The following PROSER2 variants were observed in gnomAD, a reference collection of about 807,000 sequenced individuals.
The protein encoded by PROSER2 is proline and serine-rich protein 2.
In PROSER2, 18 loss-of-function variants were observed where a neutral mutation model predicts 14.6. That is an observed-to-expected ratio of 1.23 (90% CI 0.85 to 1.83). PROSER2 has a LOEUF of 1.83. Ranked by LOEUF, PROSER2 falls within the 40% of genes most tolerant of loss-of-function variation. The pLI is 0.00. For synonymous variants in PROSER2, 367 were observed against 286.4 expected (o/e 1.28, Z -2.84); for missense variants, 823 against 629.8 (o/e 1.31, Z -3.28).
rs2131094062 is a variant in PROSER2 at position 11,866,918 on chromosome 10, C to A, written c.391+135C>A. On this transcript the variant is annotated intron_variant, in intron 3 of 3. Coordinates refer to ENST00000277570, the MANE Select transcript of PROSER2 (RefSeq NM_153256.4). This position sits in a 1 kb window ranked among gnomAD's most constrained non-coding sequence, Gnocchi z 6.0. The stretch of plus-strand genomic sequence containing the variant: ...TACCAGATTTTTATAGGGGAAAATA[C>A]TCCTTGGCAGTTTCATCATCCAGCA... 9.4e-7 allele frequency: 1 copy of A among 1,058,998 alleles called. No homozygotes were observed. Among genetic ancestry groups the A allele is most frequent in the Non-Finnish European group, 1.3e-6 (1 of 754,708 alleles). 65.6% of individuals were successfully genotyped at this position (1,058,998 alleles called of 1,614,324 possible).
intron 1 of PROSER2, among the ~76,000 whole-genome samples, chr10:11,844,746 C>T (rs60062825): frequency 6.6e-6 from 1 of 152,110 alleles, no homozygotes; most frequent in African/African-American, 2.4e-5. Flanking sequence ...CCTAGTCTCT[C>T]GAGTAGCTGG....
chr10:11,825,496 GC>G (rs1354294764), intron 1 of PROSER2, among the ~76,000 whole-genome samples: 4 of 152,118 alleles, frequency 2.6e-5, no homozygotes, highest in Non-Finnish European at 5.9e-5. Flanking sequence ...AGCCGTCCCC[GC>G]TCCACTCTGA....
At chr10:11,849,205 CAA>C (rs1407136416) in intron 1 of PROSER2, among the ~76,000 whole-genome samples, 2 of 151,900 alleles carry the variant, frequency 1.3e-5, no homozygotes, top group Admixed American at 6.6e-5. Flanking sequence ...AACAAAAAAA[CAA>C]AGAGTTTAAC....
chr10:11,823,750 A>C lies in PROSER2; in HGVS notation c.-82+280A>C, dbSNP rs546998643. On this transcript the variant is annotated intron_variant, in intron 1 of 3. Transcript: ENST00000277570. This position sits in a 1 kb window ranked among gnomAD's most constrained non-coding sequence, Gnocchi z 6.2. The stretch of plus-strand genomic sequence containing the variant: ...CGCGCTGGGTTCCGAGTCTGGGGCT[A>C]TCCTGGGGGCTCAGGGGTGGAGGCG... 6.6e-6 allele frequency among the ~76,000 whole-genome samples: 1 copy of C among 152,148 alleles called. No individual in the cohort carries two copies. The highest frequency in any genetic ancestry group is 1.9e-4 in the East Asian group (1 of 5,156).
chr10:11,828,292 T>G (rs1274782934), intron 1 of PROSER2, among the ~76,000 whole-genome samples: 1 of 134,580 alleles, frequency 7.4e-6, no homozygotes, highest in Non-Finnish European at 1.6e-5. Flanking sequence ...TTAAAGGAAC[T>G]CTCTGTGTGA....
Position 11,866,998 on chromosome 10 carries a change from C to T in PROSER2, c.391+215C>T, listed in dbSNP as rs1167178951. ...GAATGGAATGGGCCAGGCGCGGTGG[C>T]TCAAGCCTGTAATCCCAGCACTTTG... On this transcript the variant is annotated intron_variant, in intron 3 of 3. Transcript: ENST00000277570. The surrounding 1 kb of genome is among the most constrained non-coding windows in gnomAD (Gnocchi z 6.0). Among the ~76,000 whole-genome samples, 1 of 152,150 alleles carries T rather than the reference C, an allele frequency of 6.6e-6. No individual in the cohort carries two copies. The highest frequency in any genetic ancestry group is 1.5e-5 in the Non-Finnish European group (1 of 68,020).
In PROSER2 at chr10:11,830,511, G is replaced by A. The variant is rs1833676575; in HGVS notation, c.-82+7041G>A. Reference sequence around the variant, plus strand: ...GATGCAAGTGCAGGTGTCTTTTGATGTAATGATTTCTCTCCCTGTAGGTAG... The same window carrying A: ...GATGCAAGTGCAGGTGTCTTTTGATATAATGATTTCTCTCCCTGTAGGTAG... On this transcript the variant is annotated intron_variant, in intron 1 of 3. Transcript: ENST00000277570. This position sits in a 1 kb window ranked among gnomAD's most constrained non-coding sequence, Gnocchi z 4.5. Among the ~76,000 whole-genome samples the A allele has an allele frequency of 6.6e-6, 1 of 152,194 alleles. No individual in the cohort carries two copies. The highest frequency in any genetic ancestry group is 1.5e-5 in the Non-Finnish European group (1 of 68,034).
chr10:11,840,195 C>T (rs1163718352), intron 1 of PROSER2, among the ~76,000 whole-genome samples: 1 of 151,708 alleles, frequency 6.6e-6, no homozygotes, highest in Non-Finnish European at 1.5e-5. Flanking sequence ...TCAGGTGATC[C>T]TCCTGCCTTG....
Position 11,838,404 on chromosome 10 carries a change from T to G in PROSER2, c.-81-13593T>G, listed in dbSNP as rs1200227180. 6.6e-6 allele frequency among the ~76,000 whole-genome samples: 1 copy of G among 152,228 alleles called. No homozygotes were observed. The highest frequency in any genetic ancestry group is 1.5e-5 in the Non-Finnish European group (1 of 68,038). On this transcript the variant is annotated intron_variant, in intron 1 of 3. Transcript: ENST00000277570. The surrounding 1 kb of genome is among the most constrained non-coding windows in gnomAD (Gnocchi z 4.4). ...TAAGCATTTACCACGTTTCTACTTATAGAAAGTTCATGGTAGGCGAAGAAC... is the reference window on the plus strand; with the variant it reads ...TAAGCATTTACCACGTTTCTACTTAGAGAAAGTTCATGGTAGGCGAAGAAC...
chr10:11,845,376 T>C (rs1833908348), intron 1 of PROSER2, among the ~76,000 whole-genome samples: 1 of 152,176 alleles, frequency 6.6e-6, no homozygotes. Flanking sequence ...CTTTTTCTTG[T>C]TTTCGGTGTT....
chr10:11,869,546 C>A lies in PROSER2; in HGVS notation c.448C>A (p.Pro150Thr), dbSNP rs757522067. ...ACAAGATGCTGAGACTCCTCCACCT[C>A]CAGACCCCCCGGCTCCCGAGACCCT... is the stretch of plus-strand genomic sequence containing the variant. ...RKQDAETPPPPDPPAPETLLA... is the reference protein window; with the variant it reads ...RKQDAETPPPTDPPAPETLLA... Residue 150 changes from proline (P) to threonine (T), a missense_variant, in exon 4 of 4, where the codon CCA (proline) becomes ACA (threonine). By Grantham distance (38) the Pro-to-Thr change is conservative. Coordinates refer to ENST00000277570, the MANE Select transcript of PROSER2 (RefSeq NM_153256.4). The surrounding 1 kb of genome is among the most constrained non-coding windows in gnomAD (Gnocchi z 4.4). 1 of 1,613,660 alleles carries A rather than the reference C, an allele frequency of 6.2e-7. No individual in the cohort carries two copies. The highest frequency in any genetic ancestry group is 8.5e-7 in the Non-Finnish European group (1 of 1,179,636).
intron 1 of PROSER2, among the ~76,000 whole-genome samples, chr10:11,843,623 T>A: frequency 6.6e-6 from 1 of 151,298 alleles, no homozygotes; most frequent in Non-Finnish European, 1.5e-5. Flanking sequence ...GAGGCAGAGG[T>A]TGCAGTGAGC....
Position 11,866,120 on chromosome 10 carries a change from G to A in PROSER2, c.139-411G>A, listed in dbSNP as rs1455299541. ...TTAAAAAAAAAATCCCTTCGTTTTA[G>A]TACGGTTTCTGGTGAGAAAGGAGAT... is the stretch of plus-strand genomic sequence containing the variant. On this transcript the variant is annotated intron_variant, in intron 2 of 3. Transcript: ENST00000277570. This position sits in a 1 kb window ranked among gnomAD's most constrained non-coding sequence, Gnocchi z 6.0. 6.6e-6 allele frequency among the ~76,000 whole-genome samples: 1 copy of A among 152,096 alleles called. No individual in the cohort carries two copies. Among genetic ancestry groups the A allele is most frequent in the South Asian group, 2.1e-4 (1 of 4,828 alleles).
chr10:11,844,190 C>G (rs1052607973), intron 1 of PROSER2, among the ~76,000 whole-genome samples: 2 of 152,082 alleles, frequency 1.3e-5, no homozygotes, highest in African/African-American at 4.8e-5. Context: ...TAAGGTCTCA[C>G]TATGTTGCCC....
intron 1 of PROSER2, among the ~76,000 whole-genome samples, chr10:11,845,620 C>CTAGCTA (rs1053734033): frequency 6.6e-6 from 1 of 152,132 alleles, no homozygotes; most frequent in Non-Finnish European, 1.5e-5. Context: ...CAGCAACACT[C>CTAGCTA]GGTAGCTGTT....
intron 2 of PROSER2, among the ~76,000 whole-genome samples, chr10:11,863,765 A>G (rs554511082): frequency 1.3e-5 from 2 of 152,250 alleles, no homozygotes; most frequent in South Asian, 4.2e-4. Context: ...TTAAGTATGC[A>G]CAATTTCAAT....
chr10:11,843,962 C>T (rs2031383), intron 1 of PROSER2, among the ~76,000 whole-genome samples: 74,472 of 151,366 alleles, frequency 0.49, 18,570 homozygotes, highest in East Asian at 0.58. Context: ...CTAATTATCA[C>T]TTCTTTGAAA....
In PROSER2 at chr10:11,830,107, T is replaced by C. The variant is rs1451412072; in HGVS notation, c.-82+6637T>C. Among the ~76,000 whole-genome samples the C allele has an allele frequency of 2.6e-5, 4 of 152,114 alleles. No individual in the cohort carries two copies. Among genetic ancestry groups the C allele is most frequent in the Non-Finnish European group, 4.4e-5 (3 of 68,014 alleles). On this transcript the variant is annotated intron_variant, in intron 1 of 3. Coordinates refer to ENST00000277570, the MANE Select transcript of PROSER2 (RefSeq NM_153256.4). The surrounding 1 kb of genome is among the most constrained non-coding windows in gnomAD (Gnocchi z 4.5). ...ATTCACCTACCTCAGCCTCCCAAAG[T>C]GCCGGGATTACAGGTGTGAGCCACT... is the stretch of plus-strand genomic sequence containing the variant.
In PROSER2 at chr10:11,870,468, G is replaced by C; in HGVS notation, c.*62G>C. On this transcript the variant is annotated 3_prime_UTR_variant, in exon 4 of 4. Coordinates refer to ENST00000277570, the MANE Select transcript of PROSER2 (RefSeq NM_153256.4). Reference sequence around the variant, plus strand: ...ACCCTGAAGAGAGGGTGAAAGAGTCGCTGCACCCAGGAGCTGTTTGGTCTA... The same window carrying C: ...ACCCTGAAGAGAGGGTGAAAGAGTCCCTGCACCCAGGAGCTGTTTGGTCTA... 1 of 1,297,210 alleles carries C rather than the reference G, an allele frequency of 7.7e-7. No individual in the cohort carries two copies. The highest frequency in any genetic ancestry group is 1.0e-6 in the Non-Finnish European group (1 of 986,292). 80.4% of individuals were successfully genotyped at this position (1,297,210 alleles called of 1,614,324 possible).
Sources: gnomAD v4.1 joint callset for allele counts (sites outside exome capture counted in the v4.1 genomes callset) on GRCh38, gnomAD v4.1.1 for gene constraint, Gnocchi (gnomAD v3.1) non-coding constraint, MANE v1.5 for transcripts, NCBI Gene and HGNC (gene_info 2026-07-23, HGNC 2026-07-21) for gene names.